ITSN2: variants seen among roughly 807,000 people sequenced by gnomAD.
ITSN2 encodes the protein intersectin-2.
ITSN2 carries 156 observed loss-of-function variants against 243.7 expected under a neutral mutation model. The ratio of observed to expected loss-of-function variants is 0.64; its 90% CI spans 0.56 to 0.73. The LOEUF is 0.73. ITSN2 is among the 30% of genes least tolerant of loss of function. The pLI is 0.00. For synonymous variants in ITSN2, 703 were observed against 699.9 expected (o/e 1.00, Z -0.07); for missense variants, 1,801 against 1,996.1 (o/e 0.90, Z 1.86).
chr2:24,205,081 A>G, intron 38 of ITSN2, 133 bp downstream of exon 38: 1 of 656,464 alleles, frequency 1.5e-6, no homozygotes, highest in Non-Finnish European at 2.8e-6. Flanking sequence ...CCAGAGGCAG[A>G]GGTTGCAGTG....
At chr2:24,203,813 T>G in intron 39 of ITSN2, 30 bp from the exon 40 acceptor site, 1 of 1,582,370 alleles carries the variant, frequency 6.3e-7, no homozygotes, top group Non-Finnish European at 8.6e-7. Context: ...GAGTCAGAAG[T>G]CTTTCTTCTT....
rs138565178 is a variant in ITSN2 at position 24,204,016 on chromosome 2, G to T, written c.4936+229C>A. 1,631 of 628,348 alleles carry T rather than the reference G, an allele frequency of 2.6e-3. 23 individuals carry two copies. The East Asian group carries it at 0.042, about 16-fold the overall frequency. The allele number at this position is 628,348 out of a possible 1,614,324, so 38.9% of individuals were successfully genotyped here. ...ATTCTGAGAATGCTCCAGGAGTGGT[G>T]TTCACGTCGTGTGTGTAGGGAGTGA... On this transcript the variant is annotated intron_variant, in intron 39 of 39. Transcript: ENST00000355123. This position sits in a 1 kb window ranked among gnomAD's most constrained non-coding sequence, Gnocchi z 5.1.
rs75898533 is a variant in ITSN2, at chr2:24,215,830, A to C, written c.3990+219T>G. Among the ~76,000 whole-genome samples, 675 of 152,284 alleles carry C rather than the reference A, an allele frequency of 4.4e-3. 1 individual carries two copies. Among genetic ancestry groups the C allele is most frequent in the Non-Finnish European group, 6.7e-3 (455 of 68,020 alleles). On this transcript the variant is annotated intron_variant, in intron 32 of 39. Transcript: ENST00000355123. ...TATGCTTAAAAAAAAACACTCTGCT[A>C]TCAGATGGGGAAAAAATGATGGTCC...
chr2:24,205,172 C>T, intron 38 of ITSN2, 42 bp downstream of exon 38: 1 of 1,540,162 alleles, frequency 6.5e-7, no homozygotes. Context: ...AAAACTGGGG[C>T]AGGGCAGTTA....
At position 24,271,652 on chromosome 2, in the gene ITSN2, T is replaced by C. The variant is rs1482578864; in HGVS notation, c.2257+114A>G. 3.8e-6 allele frequency: 5 copies of C among 1,331,688 alleles called. No individual in the cohort carries two copies. The African/African-American group carries it at 7.5e-5, about 20-fold the overall frequency. The allele number at this position is 1,331,688 out of a possible 1,614,324, so 82.5% of individuals were successfully genotyped here. Reference sequence around the variant, plus strand: ...CCAAGTTTAATTTATAAAAAGGTTTTTTCTGACTCTACAATTAGTATCTTT... The same window carrying C: ...CCAAGTTTAATTTATAAAAAGGTTTCTTCTGACTCTACAATTAGTATCTTT... On this transcript the variant is annotated intron_variant, in intron 19 of 39. Transcript: ENST00000355123.
At chr2:24,335,149 C>A in intron 1 of ITSN2, 1 of 209,834 alleles carries the variant, frequency 4.8e-6, no homozygotes, top group South Asian at 8.1e-5. Flanking sequence ...TGACCCAGTT[C>A]TAAGTGTCAT....
chr2:24,303,873 G>A lies in ITSN2; in HGVS notation c.794-11C>T. 1 of 1,577,772 alleles carries A rather than the reference G, an allele frequency of 6.3e-7. No individual in the cohort carries two copies. The highest frequency in any genetic ancestry group is 1.1e-5 in the South Asian group (1 of 90,328). ...TTCTAGCTTGAAAACCTGATTAAGT[G>A]GGGAAAATCATAAAGGAATTCTTTA... On this transcript the variant is annotated splice_polypyrimidine_tract_variant and intron_variant, in intron 8 of 39. Transcript: ENST00000355123.
intron 36 of ITSN2, 131 bp downstream of exon 36, chr2:24,208,969 G>T: frequency 2.1e-6 from 2 of 944,502 alleles, no homozygotes. Flanking sequence ...GAGCAGAGGG[G>T]ATGTGTTAAG....
chr2:24,310,104 T>C (rs1307647249), intron 7 of ITSN2, among the ~76,000 whole-genome samples, 180 bp downstream of exon 7: 1 of 152,136 alleles, frequency 6.6e-6, no homozygotes, highest in Non-Finnish European at 1.5e-5. Context: ...AGACACTTAA[T>C]AATTCTAAAA....
At chr2:24,307,631 AAT>A (rs1448032456) in intron 8 of ITSN2, among the ~76,000 whole-genome samples, 2 of 152,246 alleles carry the variant, frequency 1.3e-5, no homozygotes, top group African/African-American at 4.8e-5. Flanking sequence ...TGCTTTAAAA[AAT>A]AGTTATCACA....
Position 24,299,938 on chromosome 2 carries a change from C to G in ITSN2, c.1315G>C (p.Glu439Gln), listed in dbSNP as rs1403099759. ...CGTCTTTCTATGTCTTTTCTCCTTT[C>G]TTCCTCTCGTTGTCTCTCCAATTCC... ...QRELERQREEERRKDIERREA... is the reference protein window; with the variant it reads ...QRELERQREEQRRKDIERREA... The change falls in exon 12 of 40, where the codon GAA (glutamate) becomes CAA (glutamine). Residue 439 changes from glutamate (E) to glutamine (Q), a missense_variant. By Grantham distance (29) the Glu-to-Gln change is conservative. This residue lies in a region of ITSN2 where 787 missense variants were observed against 803.9 expected (regional missense o/e 0.98). Transcript: ENST00000355123. The G allele has an allele frequency of 1.8e-5, 29 of 1,611,408 alleles. No individual in the cohort carries two copies. Among genetic ancestry groups the G allele is most frequent in the Non-Finnish European group, 2.5e-5 (29 of 1,179,344 alleles).
At chr2:24,359,385 C>A (rs1301001115) in intron 1 of ITSN2, among the ~76,000 whole-genome samples, 2 of 152,216 alleles carry the variant, frequency 1.3e-5, no homozygotes, top group Non-Finnish European at 2.9e-5. Flanking sequence ...AAACTAGAAG[C>A]ATGGAGCAAA....
chr2:24,208,244 A>G lies in ITSN2; in HGVS notation c.4671T>C (p.Ala1557=). 2.5e-6 allele frequency: 4 copies of G among 1,611,800 alleles called. No homozygotes were observed. Among genetic ancestry groups the G allele is most frequent in the Non-Finnish European group, 3.4e-6 (4 of 1,179,696 alleles). ...CTCCGGGCACCCTGATACCTTGGTA[A>G]GCTTTCTCACGCTTCTTCTTCTCGG... The part of the protein sequence containing the change: ...IDTEKKKREK[A]YQARSQKTSG... Residue 1557 remains alanine (A), a synonymous_variant, in exon 37 of 40, where the codon GCT becomes GCC. Transcript: ENST00000355123.
At chr2:24,319,436 G>A (rs1396450637) in intron 2 of ITSN2, among the ~76,000 whole-genome samples, 1 of 152,134 alleles carries the variant, frequency 6.6e-6, no homozygotes, top group African/African-American at 2.4e-5. Context: ...CACCTTATGA[G>A]TCTGCCATCC....
At chr2:24,327,667 G>GAA (rs1184797340) in intron 2 of ITSN2, among the ~76,000 whole-genome samples, 2 of 151,978 alleles carry the variant, frequency 1.3e-5, no homozygotes, top group Non-Finnish European at 2.9e-5. Context: ...TATCTAAAGG[G>GAA]AAAACATAAT....
rs1320744347 is a variant in ITSN2, at chr2:24,278,302, CTA to C, written c.1945-2455_1945-2454del. Among the ~76,000 whole-genome samples, 4 of 152,192 alleles carry C rather than the reference CTA, an allele frequency of 2.6e-5. No homozygotes were observed. The East Asian group carries it at 7.7e-4, about 29-fold the overall frequency. On this transcript the variant is annotated intron_variant, in intron 17 of 39. Coordinates refer to ENST00000355123, the MANE Select transcript of ITSN2 (RefSeq NM_006277.3). ...TCTATCATAGTGTCTTCTCTTCCAA[CTA>C]TATGATTGCCTCCTCCACTGAAGTG...
intron 1 of ITSN2, among the ~76,000 whole-genome samples, chr2:24,344,191 G>A (rs1687310995): frequency 6.6e-6 from 1 of 152,064 alleles, no homozygotes; most frequent in Non-Finnish European, 1.5e-5. Context: ...GGATATACCA[G>A]AAATTAAGCT....
At chr2:24,314,798 G>GA (rs201728428) in intron 3 of ITSN2, among the ~76,000 whole-genome samples, 102 of 149,244 alleles carry the variant, frequency 6.8e-4, no homozygotes, top group African/African-American at 2.3e-3. Context: ...ACAGATTCCA[G>GA]AAAAAAAAAG....
intron 4 of ITSN2, among the ~76,000 whole-genome samples, chr2:24,312,918 T>C (rs1372833958): frequency 6.6e-6 from 1 of 152,108 alleles, no homozygotes; most frequent in Non-Finnish European, 1.5e-5. Context: ...AAAGAGGATT[T>C]TGAGATTCTG....
Sources: allele counts gnomAD v4.1 joint callset (sites outside exome capture counted in the v4.1 genomes callset), GRCh38; gene constraint gnomAD v4.1.1; regional missense constraint gnomAD v4.1.1; non-coding constraint Gnocchi (gnomAD v3.1); transcripts MANE v1.5; gene names NCBI Gene and HGNC (gene_info 2026-07-23, HGNC 2026-07-21).